JAM3: variants seen among roughly 807,000 people sequenced by gnomAD.
JAM3 encodes junctional adhesion molecule 3, also known as junctional adhesion molecule C.
A neutral mutation model predicts 39.4 loss-of-function variants in JAM3; 31 were observed. The ratio of observed to expected loss-of-function variants is 0.79; its 90% confidence interval spans 0.59 to 1.06. The LOEUF (loss-of-function observed/expected upper bound fraction) is 1.06, where lower values mean the gene tolerates loss of function less well. JAM3 is among the 50% of genes least tolerant of loss of function. The pLI is 0.00. For missense variants in JAM3, 455 were observed against 391.4 expected (o/e 1.16, Z -1.37); for synonymous variants, 182 against 148.7 (o/e 1.22, Z -1.63).
At chr11:134,070,771 T>G (rs1941472929) in intron 1 of JAM3, among the ~76,000 whole-genome samples, 1 of 152,236 alleles carries the variant, frequency 6.6e-6, no homozygotes, top group African/African-American at 2.4e-5. Flanking sequence ...ACTTGGTAGT[T>G]TGTTAATAAA....
At chr11:134,127,007 AT>A (rs1942661169) in intron 1 of JAM3, among the ~76,000 whole-genome samples, 3 of 152,266 alleles carry the variant, frequency 2.0e-5, no homozygotes, top group Admixed American at 2.0e-4. Context: ...TAGAGAAGGA[AT>A]TATCAAACTA....
chr11:134,124,830 G>C (rs1276698242), intron 1 of JAM3, among the ~76,000 whole-genome samples: 1 of 152,254 alleles, frequency 6.6e-6, no homozygotes, highest in Non-Finnish European at 1.5e-5. Flanking sequence ...ACGCTGTGCT[G>C]AGCCCGGCAG....
intron 1 of JAM3, among the ~76,000 whole-genome samples, chr11:134,101,295 C>T (rs1565488697): frequency 1.3e-5 from 2 of 152,168 alleles, no homozygotes; most frequent in African/African-American, 4.8e-5. Flanking sequence ...TAACCCAGTT[C>T]TATAATAATT....
chr11:134,113,032 A>C (rs1942347737), intron 1 of JAM3, among the ~76,000 whole-genome samples: 1 of 152,112 alleles, frequency 6.6e-6, no homozygotes, highest in Non-Finnish European at 1.5e-5. Context: ...TGGGAGAGGG[A>C]TCACTTGAAC....
At chr11:134,089,554 T>C (rs1941805717) in intron 1 of JAM3, among the ~76,000 whole-genome samples, 2 of 151,982 alleles carry the variant, frequency 1.3e-5, no homozygotes, top group South Asian at 4.2e-4. Flanking sequence ...TGAGAACATG[T>C]GGTGTTTGGT....
intron 1 of JAM3, among the ~76,000 whole-genome samples, chr11:134,080,500 G>A (rs1183852296): frequency 6.6e-6 from 1 of 152,136 alleles, no homozygotes; most frequent in Non-Finnish European, 1.5e-5. Flanking sequence ...TGCTGTTCTT[G>A]TGATCGTTAG....
intron 1 of JAM3, among the ~76,000 whole-genome samples, chr11:134,099,811 T>C (rs989314487): frequency 6.6e-6 from 1 of 152,128 alleles, no homozygotes; most frequent in African/African-American, 2.4e-5. Context: ...TTCACCATGT[T>C]GGTCAGGCTG....
At chr11:134,099,015 TATG>T (rs1351719004) in intron 1 of JAM3, among the ~76,000 whole-genome samples, 4 of 151,848 alleles carry the variant, frequency 2.6e-5, no homozygotes, top group Admixed American at 6.6e-5. Flanking sequence ...GCCTGGGAAA[TATG>T]ATGAAATCCC....
At chr11:134,117,468 C>T (rs563939684) in intron 1 of JAM3, among the ~76,000 whole-genome samples, 5 of 152,318 alleles carry the variant, frequency 3.3e-5, no homozygotes, top group Admixed American at 1.3e-4. Context: ...TGGTAGTTTG[C>T]AGTCTGTTCT....
intron 1 of JAM3, among the ~76,000 whole-genome samples, chr11:134,134,316 T>C (rs1430591786): frequency 7.0e-6 from 1 of 143,248 alleles, no homozygotes; most frequent in African/African-American, 2.6e-5. Context: ...GAAGCAATTA[T>C]GACTGAGAAT....
intron 1 of JAM3, chr11:134,070,131 T>TTG: frequency 2.2e-6 from 1 of 456,214 alleles, no homozygotes; most frequent in South Asian, 1.5e-5. Flanking sequence ...TTTACTCCTT[T>TTG]CAGCAGCTCT....
At chr11:134,120,227 G>T (rs955051151) in intron 1 of JAM3, among the ~76,000 whole-genome samples, 2 of 152,264 alleles carry the variant, frequency 1.3e-5, no homozygotes, top group Non-Finnish European at 2.9e-5. Context: ...AGCCTGCGCT[G>T]CCGTTGTATG....
intron 1 of JAM3, among the ~76,000 whole-genome samples, chr11:134,123,589 A>G (rs1249242042): frequency 6.6e-6 from 1 of 152,228 alleles, no homozygotes; most frequent in East Asian, 1.9e-4. Flanking sequence ...TAGGAGCAAA[A>G]TCATCCTTCA....
intron 3 of JAM3, among the ~76,000 whole-genome samples, chr11:134,143,860 T>G (rs1302142722): frequency 6.6e-6 from 1 of 152,262 alleles, no homozygotes; most frequent in Non-Finnish European, 1.5e-5. Flanking sequence ...CAACTTCATG[T>G]GTTTGCAAGT....
At chr11:134,102,948 A>T (rs1045087245) in intron 1 of JAM3, among the ~76,000 whole-genome samples, 1 of 152,224 alleles carries the variant, frequency 6.6e-6, no homozygotes, top group Non-Finnish European at 1.5e-5. Flanking sequence ...GCAGGATATT[A>T]TCCAGGAGAA....
intron 8 of JAM3, 136 bp downstream of exon 8, chr11:134,148,954 T>TC (rs535949755): frequency 0.12 from 87,993 of 760,590 alleles, 6,158 homozygotes; most frequent in African/African-American, 0.2. Flanking sequence ...CCCTTCACAG[T>TC]AACACACACA....
chr11:134,149,924 T>G lies in JAM3; in HGVS notation c.*743T>G, dbSNP rs1481974316. On this transcript the variant is annotated 3_prime_UTR_variant, in exon 9 of 9. Coordinates refer to ENST00000299106, the MANE Select transcript of JAM3 (RefSeq NM_032801.5). ...GGGTCTTGTTTATTTTATAAAATTT[T>G]ACATCTAAATTTTTGCTAAGGATGT... 1 of 175,016 alleles carries G rather than the reference T, an allele frequency of 5.7e-6. No homozygotes were observed. The highest frequency in any genetic ancestry group is 2.4e-5 in the African/African-American group (1 of 41,818). 10.8% of individuals were successfully genotyped at this position (175,016 alleles called of 1,614,324 possible).
chr11:134,086,559 C>T (rs1941748474), intron 1 of JAM3, among the ~76,000 whole-genome samples: 1 of 152,008 alleles, frequency 6.6e-6, no homozygotes, highest in South Asian at 2.1e-4. Flanking sequence ...CATGCCTGAA[C>T]TAGGAAACTT....
chr11:134,149,404 C>G lies in JAM3; in HGVS notation c.*223C>G, dbSNP rs961104307. ...CCCGGTAAATATAACCACAAGGAAGCGAAACTGGGTGCGTTCACTGAGTTG... is the reference window on the plus strand; with the variant it reads ...CCCGGTAAATATAACCACAAGGAAGGGAAACTGGGTGCGTTCACTGAGTTG... On this transcript the variant is annotated 3_prime_UTR_variant, in exon 9 of 9. Transcript: ENST00000299106. The G allele has an allele frequency of 3.2e-6, 2 of 621,716 alleles. No individual in the cohort carries two copies. The highest frequency in any genetic ancestry group is 5.7e-6 in the Non-Finnish European group (2 of 348,546). 38.5% of individuals were successfully genotyped at this position (621,716 alleles called of 1,614,324 possible).
Sources: gnomAD v4.1 joint callset for allele counts (sites outside exome capture counted in the v4.1 genomes callset) on GRCh38, gnomAD v4.1.1 for gene constraint, MANE v1.5 for transcripts, NCBI Gene and HGNC (gene_info 2026-07-23, HGNC 2026-07-21) for gene names.